Variants in CNBD1 observed in about 807,000 individuals in gnomAD.
CNBD1 encodes the protein cyclic nucleotide binding domain containing 1.
A neutral mutation model predicts 54.4 loss-of-function variants in CNBD1; 71 were observed. That is an observed-to-expected ratio of 1.30 (90% CI 1.08 to 1.59). CNBD1 has a LOEUF of 1.59. Ranked by LOEUF, CNBD1 falls within the 40% of genes most tolerant of loss-of-function variation. CNBD1 has a pLI of 0.00. For synonymous variants in CNBD1, 182 were observed against 170.7 expected (o/e 1.07, Z -0.51); for missense variants, 659 against 518.0 (o/e 1.27, Z -2.64).
At chr8:87,035,252 T>C (rs1396571585) in intron 4 of CNBD1, among the ~76,000 whole-genome samples, 2 of 152,156 alleles carry the variant, frequency 1.3e-5, no homozygotes, top group Non-Finnish European at 2.9e-5. Flanking sequence ...ATAATGGGGA[T>C]TGGGCTTCTA....
chr8:87,092,344 AGTGTGT>A (rs113453662), intron 4 of CNBD1, among the ~76,000 whole-genome samples: 1 of 143,116 alleles, frequency 7.0e-6, no homozygotes, highest in Non-Finnish European at 1.5e-5. Flanking sequence ...ATACTGGCTC[AGTGTGT>A]GTGTGTGTGT....
chr8:87,236,877 C>A, intron 5 of CNBD1, 42 bp from the exon 6 acceptor site: 1 of 1,251,424 alleles, frequency 8.0e-7, no homozygotes, highest in Non-Finnish European at 1.1e-6. Flanking sequence ...TATCAAGGAG[C>A]CTGAGCACAC....
chr8:87,175,284 A>T (rs113944703), intron 4 of CNBD1, among the ~76,000 whole-genome samples: 2 of 152,124 alleles, frequency 1.3e-5, no homozygotes, highest in Non-Finnish European at 2.9e-5. Context: ...CCTTTACTTT[A>T]TCTTCTGCTT....
chr8:87,279,754 G>T (rs1258635667), intron 6 of CNBD1, among the ~76,000 whole-genome samples: 2 of 150,838 alleles, frequency 1.3e-5, no homozygotes, highest in Admixed American at 6.7e-5. Flanking sequence ...CTAAATATGT[G>T]TAGTGAAACC....
intron 2 of CNBD1, among the ~76,000 whole-genome samples, chr8:87,407,252 T>C (rs1192316070): frequency 6.6e-6 from 1 of 152,120 alleles, no homozygotes; most frequent in Non-Finnish European, 1.5e-5. Context: ...AAAATTAATA[T>C]AAGAAACACA....
chr8:87,321,608 T>G (rs933702634), intron 8 of CNBD1, among the ~76,000 whole-genome samples: 1 of 152,138 alleles, frequency 6.6e-6, no homozygotes, highest in African/African-American at 2.4e-5. Flanking sequence ...ATCAGGTATA[T>G]AGTCTGCAAA....
chr8:87,266,328 A>C (rs1267913851), intron 6 of CNBD1, among the ~76,000 whole-genome samples: 1 of 150,700 alleles, frequency 6.6e-6, no homozygotes, highest in African/African-American at 2.4e-5. Flanking sequence ...AGGTATAAAA[A>C]CACAAAATAA....
At position 87,191,520 on chromosome 8, in the gene CNBD1, G is replaced by A. The variant is rs151312423; in HGVS notation, c.432-14473G>A. Among the ~76,000 whole-genome samples, 73 of 152,232 alleles carry A rather than the reference G, an allele frequency of 4.8e-4. No individual in the cohort carries two copies. The East Asian group carries it at 0.014, about 29-fold the overall frequency. On this transcript the variant is annotated intron_variant, in intron 4 of 10. Transcript: ENST00000518476. ...AGGCATTGCTCGATGCAGTCAAGTT[G>A]ACACCTAATATTAACCATCACACCT...
intron 4 of CNBD1, among the ~76,000 whole-genome samples, chr8:87,127,123 A>G (rs1257627128): frequency 6.6e-6 from 1 of 152,000 alleles, no homozygotes; most frequent in East Asian, 1.9e-4. Flanking sequence ...TTATTTTTCA[A>G]AATCATTTTG....
rs1360028393 is a variant in CNBD1, at chr8:86,924,205, T to C, written c.273-15391T>C. ...TTGCAATGAAAGGAAAAAGAAATTC[T>C]GAAAATTCACAGGCCATATTTTCTG... On this transcript the variant is annotated intron_variant, in intron 3 of 10. Coordinates refer to ENST00000518476, the MANE Select transcript of CNBD1 (RefSeq NM_173538.3). 2.0e-5 allele frequency among the ~76,000 whole-genome samples: 3 copies of C among 152,274 alleles called. No homozygotes were observed. In the South Asian group the frequency reaches 6.2e-4, roughly 32 times the overall value.
At chr8:87,401,243 C>T (rs1481915991) in intron 2 of CNBD1, among the ~76,000 whole-genome samples, 1 of 152,022 alleles carries the variant, frequency 6.6e-6, no homozygotes, top group East Asian at 1.9e-4. Context: ...AAATCTAAAT[C>T]TCACAGATGA....
chr8:87,324,589 G>A (rs369060380), intron 8 of CNBD1, among the ~76,000 whole-genome samples: 18 of 147,644 alleles, frequency 1.2e-4, no homozygotes, highest in South Asian at 6.3e-4. Context: ...GTTTATTTGC[G>A]TAGAGGTGTT....
chr8:87,319,827 A>T (rs1038105173), intron 8 of CNBD1, among the ~76,000 whole-genome samples: 4 of 152,102 alleles, frequency 2.6e-5, no homozygotes, highest in African/African-American at 9.6e-5. Flanking sequence ...TGTTCATTTT[A>T]TGCTTAGATA....
At chr8:87,255,987 ATATATATATATATATATATATATATATAT>A (rs1563525938) in intron 6 of CNBD1, among the ~76,000 whole-genome samples, 3 of 10,784 alleles carry the variant, frequency 2.8e-4, no homozygotes, top group Non-Finnish European at 4.7e-4. Flanking sequence ...ATATATATAT[ATATATATATATATATATATATATATATAT>A]TTTTTTTTTT....
chr8:87,160,384 A>G (rs1447022005), intron 4 of CNBD1, among the ~76,000 whole-genome samples: 1 of 152,086 alleles, frequency 6.6e-6, no homozygotes, highest in African/African-American at 2.4e-5. Context: ...TCATTTTATC[A>G]TAAAACAAAG....
At chr8:87,202,344 A>G (rs1043933883) in intron 4 of CNBD1, among the ~76,000 whole-genome samples, 1 of 152,254 alleles carries the variant, frequency 6.6e-6, no homozygotes, top group Non-Finnish European at 1.5e-5. Flanking sequence ...AGAAGATTAG[A>G]ATAATAACCA....
At chr8:87,141,003 GTTTCC>G (rs1812359638) in intron 4 of CNBD1, among the ~76,000 whole-genome samples, 1 of 152,086 alleles carries the variant, frequency 6.6e-6, no homozygotes, top group Non-Finnish European at 1.5e-5. Flanking sequence ...AAAGGAACAT[GTTTCC>G]TAAAGTTTTT....
rs543992001 is a variant in CNBD1, at chr8:87,005,232, C to T, written c.431+65478C>T. Among the ~76,000 whole-genome samples the T allele has an allele frequency of 1.1e-4, 17 of 151,630 alleles. No homozygotes were observed. In the East Asian group the frequency reaches 2.0e-3, roughly 17 times the overall value. ...TAAAAATATAAAAATTAGCCGGGCA[C>T]GGTGGCGGGCGCCTGTAGTCCCAGC... is the stretch of plus-strand genomic sequence containing the variant. On this transcript the variant is annotated intron_variant, in intron 4 of 10. Coordinates refer to ENST00000518476, the MANE Select transcript of CNBD1 (RefSeq NM_173538.3).
chr8:87,381,796 G>A (rs557841928), intron 10 of CNBD1, among the ~76,000 whole-genome samples: 11 of 151,856 alleles, frequency 7.2e-5, no homozygotes, highest in East Asian at 3.9e-4. Flanking sequence ...ATCTAAAATC[G>A]TCAAATTTAT....
Sources: allele counts gnomAD v4.1 joint callset (sites outside exome capture counted in the v4.1 genomes callset), GRCh38; gene constraint gnomAD v4.1.1; transcripts MANE v1.5; gene names NCBI Gene and HGNC (gene_info 2026-07-23, HGNC 2026-07-21).